LRRTM4: variants seen among roughly 807,000 people sequenced by gnomAD.
The protein encoded by LRRTM4 is leucine rich repeat transmembrane neuronal 4.
LRRTM4 carries 25 observed loss-of-function variants against 47.6 expected under a neutral mutation model. That is an observed-to-expected ratio of 0.53 (90% CI 0.38 to 0.73). LRRTM4 has a LOEUF of 0.73. Among genes scored for constraint, LRRTM4 ranks in the 30% least tolerant of loss-of-function variants. The pLI is 0.00. For missense variants in LRRTM4, 638 were observed against 713.4 expected, an observed-to-expected ratio of 0.89 and a Z score of 1.20; for synonymous variants, 311 against 269.5, an observed-to-expected ratio of 1.15 and a Z score of -1.51.
intron 3 of LRRTM4, among the ~76,000 whole-genome samples, chr2:77,424,512 G>A (rs535920682): frequency 3.3e-5 from 5 of 152,114 alleles, no homozygotes; most frequent in African/African-American, 4.8e-5. Context: ...TCATCATTCT[G>A]CTATAGAATA....
At chr2:76,823,313 G>T (rs1331545727) in intron 3 of LRRTM4, among the ~76,000 whole-genome samples, 1 of 151,276 alleles carries the variant, frequency 6.6e-6, no homozygotes, top group Non-Finnish European at 1.5e-5. Flanking sequence ...TAGTAAAAAT[G>T]AATTTGCATA....
At chr2:77,380,183 A>G (rs1329174914) in intron 3 of LRRTM4, among the ~76,000 whole-genome samples, 1 of 152,184 alleles carries the variant, frequency 6.6e-6, no homozygotes, top group Admixed American at 6.6e-5. Flanking sequence ...TTAGACTTAA[A>G]TATACTATTT....
At chr2:77,283,447 C>T (rs1676560850) in intron 3 of LRRTM4, among the ~76,000 whole-genome samples, 1 of 151,950 alleles carries the variant, frequency 6.6e-6, no homozygotes, top group Non-Finnish European at 1.5e-5. Context: ...GACTACCATT[C>T]GATTTAGCAA....
At chr2:76,803,466 G>A (rs1437084930) in intron 3 of LRRTM4, among the ~76,000 whole-genome samples, 1 of 152,120 alleles carries the variant, frequency 6.6e-6, no homozygotes, top group East Asian at 1.9e-4. Flanking sequence ...CGAGGTTGTG[G>A]AGAAAAGCAA....
intron 3 of LRRTM4, among the ~76,000 whole-genome samples, chr2:77,130,903 T>G (rs1337656839): frequency 8.4e-6 from 1 of 119,668 alleles, no homozygotes; most frequent in Admixed American, 9.7e-5. Flanking sequence ...GGCGGGATCT[T>G]GGCTCACTGC....
intron 3 of LRRTM4, among the ~76,000 whole-genome samples, chr2:77,290,269 A>G (rs1676784608): frequency 6.6e-6 from 1 of 151,978 alleles, no homozygotes; most frequent in Non-Finnish European, 1.5e-5. Flanking sequence ...CTTGAATTCA[A>G]TGGTGTCTCA....
intron 3 of LRRTM4, among the ~76,000 whole-genome samples, chr2:77,312,046 C>G (rs1399740593): frequency 6.6e-6 from 1 of 151,912 alleles, no homozygotes; most frequent in Non-Finnish European, 1.5e-5. Flanking sequence ...GTTCCCATAG[C>G]CCCCACCCAC....
chr2:77,369,757 C>G (rs568048983), intron 3 of LRRTM4, among the ~76,000 whole-genome samples: 11 of 151,764 alleles, frequency 7.2e-5, no homozygotes, highest in Non-Finnish European at 1.2e-4. Context: ...ATATGGTATA[C>G]CTATTACTCC....
intron 3 of LRRTM4, among the ~76,000 whole-genome samples, chr2:76,957,692 G>C (rs983683699): frequency 6.6e-6 from 1 of 151,576 alleles, no homozygotes; most frequent in African/African-American, 2.4e-5. Context: ...ACCATCATTA[G>C]AAACTGATCT....
At chr2:77,223,356 C>T (rs1674700695) in intron 3 of LRRTM4, among the ~76,000 whole-genome samples, 1 of 152,062 alleles carries the variant, frequency 6.6e-6, no homozygotes, top group Admixed American at 6.5e-5. Flanking sequence ...ACATTCTGGC[C>T]AGGGCAATCA....
intron 3 of LRRTM4, among the ~76,000 whole-genome samples, chr2:76,805,915 T>A (rs1237109658): frequency 1.3e-5 from 2 of 152,116 alleles, no homozygotes; most frequent in African/African-American, 4.8e-5. Flanking sequence ...CTCTAATAAA[T>A]CTTTCTCTAT....
chr2:77,097,192 T>G (rs2103902097), intron 3 of LRRTM4, among the ~76,000 whole-genome samples: 1 of 152,042 alleles, frequency 6.6e-6, no homozygotes, highest in African/African-American at 2.4e-5. Context: ...TTGTAATTCT[T>G]ATGTTTCATG....
intron 3 of LRRTM4, among the ~76,000 whole-genome samples, chr2:76,889,981 G>A (rs1187053468): frequency 6.6e-6 from 1 of 151,940 alleles, no homozygotes; most frequent in African/African-American, 2.4e-5. Flanking sequence ...TATGAGTGCA[G>A]TGCAGGGATA....
At chr2:76,990,241 C>T (rs542231441) in intron 3 of LRRTM4, among the ~76,000 whole-genome samples, 2 of 151,728 alleles carry the variant, frequency 1.3e-5, no homozygotes, top group South Asian at 4.2e-4. Flanking sequence ...CGGTGGGAAA[C>T]CACAAAATAA....
intron 3 of LRRTM4, among the ~76,000 whole-genome samples, chr2:77,169,066 A>C (rs1672970783): frequency 6.6e-6 from 1 of 152,174 alleles, no homozygotes; most frequent in Non-Finnish European, 1.5e-5. Context: ...TAGGCATAGA[A>C]GAAATATACT....
At chr2:76,778,311 A>T in intron 3 of LRRTM4, among the ~76,000 whole-genome samples, 1 of 141,386 alleles carries the variant, frequency 7.1e-6, no homozygotes, top group East Asian at 2.1e-4. Context: ...TTTTCTATTG[A>T]TTGGAATAGT....
chr2:77,344,658 T>A (rs527604434), intron 3 of LRRTM4, among the ~76,000 whole-genome samples: 93 of 151,794 alleles, frequency 6.1e-4, no homozygotes, highest in African/African-American at 2.2e-3. Flanking sequence ...ACTTCCAAAA[T>A]TTGGTGAAAG....
chr2:77,141,798 A>G (rs767348963), intron 3 of LRRTM4, among the ~76,000 whole-genome samples: 24 of 152,230 alleles, frequency 1.6e-4, no homozygotes, highest in South Asian at 1.4e-3. Context: ...ATATCACCCA[A>G]TGGTTTATAT....
At chr2:77,493,703 G>A (rs1678253952) in intron 3 of LRRTM4, among the ~76,000 whole-genome samples, 1 of 151,966 alleles carries the variant, frequency 6.6e-6, no homozygotes, top group Non-Finnish European at 1.5e-5. Context: ...AAAGTTGCAG[G>A]ACCCAAAGAA....
Sources: gnomAD v4.1 joint callset for allele counts (sites outside exome capture counted in the v4.1 genomes callset) on GRCh38, gnomAD v4.1.1 for gene constraint, MANE v1.5 for transcripts, NCBI Gene and HGNC (gene_info 2026-07-23, HGNC 2026-07-21) for gene names.